ZDHHC21: variants seen among roughly 807,000 people sequenced by gnomAD.
ZDHHC21 encodes the protein palmitoyltransferase ZDHHC21.
ZDHHC21 carries 15 observed loss-of-function variants against 34.6 expected under a neutral mutation model. The observed-to-expected ratio is 0.43, with a 90% CI of 0.29 to 0.67. The LOEUF is 0.67. Among genes scored for constraint, ZDHHC21 ranks in the 30% least tolerant of loss-of-function variants. The pLI, the probability that ZDHHC21 is intolerant of heterozygous loss-of-function variation, is 0.14. For missense variants in ZDHHC21, 344 were observed against 327.7 expected (o/e 1.05, Z -0.38); for synonymous variants, 142 against 101.8 (o/e 1.40, Z -2.38).
the ZDHHC21 span, among the ~76,000 whole-genome samples, chr9:14,604,910 T>C: frequency 6.6e-6 from 1 of 152,156 alleles, no homozygotes; most frequent in Non-Finnish European, 1.5e-5. Context: ...CATTCTACTG[T>C]TTCTATAAGT....
At chr9:14,678,416 A>G (rs558771781) in intron 3 of ZDHHC21, among the ~76,000 whole-genome samples, 1 of 152,230 alleles carries the variant, frequency 6.6e-6, no homozygotes, top group South Asian at 2.1e-4. Context: ...TATATAAAGA[A>G]GCAATTCACA....
At chr9:14,600,029 A>G in the ZDHHC21 span, among the ~76,000 whole-genome samples, 1 of 152,216 alleles carries the variant, frequency 6.6e-6, no homozygotes, top group African/African-American at 2.4e-5. Flanking sequence ...GCTATTTATG[A>G]CAAAACCACA....
At chr9:14,599,765 G>C in the ZDHHC21 span, among the ~76,000 whole-genome samples, 39 of 151,964 alleles carry the variant, frequency 2.6e-4, no homozygotes, top group African/African-American at 8.7e-4. Context: ...AAGCTTAGTG[G>C]GGGGAGGGGC....
the ZDHHC21 span, among the ~76,000 whole-genome samples, chr9:14,590,332 G>C: frequency 6.6e-6 from 1 of 151,996 alleles, no homozygotes; most frequent in African/African-American, 2.4e-5. Flanking sequence ...CTTGTGTTTA[G>C]GAGTAAGGAA....
chr9:14,604,688 C>A, the ZDHHC21 span, among the ~76,000 whole-genome samples: 4 of 152,154 alleles, frequency 2.6e-5, no homozygotes, highest in African/African-American at 9.7e-5. Context: ...TCATACTTCA[C>A]ATTACTTTTT....
chr9:14,643,076 AAAAAAT>A (rs1829660896), intron 7 of ZDHHC21, among the ~76,000 whole-genome samples: 2 of 152,014 alleles, frequency 1.3e-5, no homozygotes, highest in African/African-American at 4.8e-5. Context: ...CGTCTCTACT[AAAAAAT>A]AAAAATAAAA....
rs546812051 is a variant in ZDHHC21 at position 14,649,156 on chromosome 9, G to T, written c.505-9144C>A. 2.6e-5 allele frequency among the ~76,000 whole-genome samples: 4 copies of T among 152,100 alleles called. No homozygotes were observed. The South Asian group carries it at 8.3e-4, about 32-fold the overall frequency. Reference sequence around the variant, plus strand: ...ACATTACCAAATGTTTTCTGTGGGGGAAAGTCAACCTCCTCCCAACTGAGA... The same window carrying T: ...ACATTACCAAATGTTTTCTGTGGGGTAAAGTCAACCTCCTCCCAACTGAGA... On this transcript the variant is annotated intron_variant, in intron 7 of 9. Coordinates refer to ENST00000380916, the MANE Select transcript of ZDHHC21 (RefSeq NM_178566.6).
intron 2 of ZDHHC21, among the ~76,000 whole-genome samples, chr9:14,685,265 C>A (rs200045657): frequency 0.16 from 23,864 of 150,610 alleles, 1,823 homozygotes; most frequent in East Asian, 0.33. Flanking sequence ...AGTGAACAGG[C>A]AACCTACAGA....
chr9:14,622,225 A>T (rs1217029361), intron 8 of ZDHHC21, among the ~76,000 whole-genome samples: 2 of 152,138 alleles, frequency 1.3e-5, no homozygotes, highest in African/African-American at 4.8e-5. Flanking sequence ...TAAAAACTGG[A>T]TGTTCTTAAA....
At chr9:14,642,698 A>C (rs904005603) in intron 7 of ZDHHC21, among the ~76,000 whole-genome samples, 117 of 152,332 alleles carry the variant, frequency 7.7e-4, no homozygotes, top group African/African-American at 2.6e-3. Flanking sequence ...CTGCAAGCCA[A>C]AGACAGAGGC....
Position 14,618,859 on chromosome 9 carries a change from T to G in ZDHHC21, c.*107A>C, listed in dbSNP as rs545745546. The G allele has an allele frequency of 1.5e-5, 20 of 1,294,056 alleles. No individual in the cohort carries two copies. In the South Asian group the frequency reaches 4.1e-4, roughly 26 times the overall value. 80.2% of individuals were successfully genotyped at this position (1,294,056 alleles called of 1,614,324 possible). On this transcript the variant is annotated 3_prime_UTR_variant, in exon 10 of 10. Transcript: ENST00000380916. Reference sequence around the variant, plus strand: ...TGGGGCACATTATGATGCCTAAGACTGGTGGGTGGATTTTAATTGACTTGA... The same window carrying G: ...TGGGGCACATTATGATGCCTAAGACGGGTGGGTGGATTTTAATTGACTTGA...
At chr9:14,619,308 G>A (rs867103796) in intron 9 of ZDHHC21, among the ~76,000 whole-genome samples, 17 of 152,058 alleles carry the variant, frequency 1.1e-4, no homozygotes, top group African/African-American at 3.6e-4. Context: ...TCAACCGAGC[G>A]CAACTTTTGA....
At chr9:14,676,508 A>C (rs1317453567) in intron 3 of ZDHHC21, among the ~76,000 whole-genome samples, 1 of 152,040 alleles carries the variant, frequency 6.6e-6, no homozygotes, top group Non-Finnish European at 1.5e-5. Flanking sequence ...GCAGAAAAAA[A>C]ACAAAAAACA....
chr9:14,609,721 G>C (rs1459725273), downstream of ZDHHC21, among the ~76,000 whole-genome samples: 1 of 152,022 alleles, frequency 6.6e-6, no homozygotes, highest in Non-Finnish European at 1.5e-5. Context: ...AAGTGAAAAA[G>C]AGACCAGTGG....
intron 7 of ZDHHC21, 30 bp downstream of exon 7, chr9:14,658,719 C>T (rs1832807975): frequency 1.2e-6 from 2 of 1,604,874 alleles, no homozygotes; most frequent in African/African-American, 2.7e-5. Context: ...GATCCGCCCG[C>T]CTCGGCCTCC....
intron 8 of ZDHHC21, among the ~76,000 whole-genome samples, chr9:14,632,470 T>C (rs915233447): frequency 1.3e-5 from 2 of 151,810 alleles, no homozygotes; most frequent in Non-Finnish European, 2.9e-5. Context: ...TAGTACTAAA[T>C]ATAAAAGCTA....
intron 3 of ZDHHC21, chr9:14,677,570 G>T (rs1468440322): frequency 2.0e-5 from 3 of 152,012 alleles, no homozygotes; most frequent in Non-Finnish European, 4.4e-5. Context: ...TGGAGATTCT[G>T]ACATACTAAT....
At chr9:14,674,154 A>C (rs1451042881) in intron 4 of ZDHHC21, 33 bp downstream of exon 4, 15 of 1,425,926 alleles carry the variant, frequency 1.1e-5, no homozygotes, top group Non-Finnish European at 1.4e-5. Context: ...GAGAAAAATA[A>C]TTATACAAGA....
In ZDHHC21 at chr9:14,612,258, T is replaced by C. The variant is rs1823428597; in HGVS notation, c.*6708A>G. ...TGACTGCAAAACCATATATTGTATCTACATTCAAGGAGAGGTTGATTTTAG... is the reference window on the plus strand; with the variant it reads ...TGACTGCAAAACCATATATTGTATCCACATTCAAGGAGAGGTTGATTTTAG... On this transcript the variant is annotated 3_prime_UTR_variant, in exon 10 of 10. Coordinates refer to ENST00000380916, the MANE Select transcript of ZDHHC21 (RefSeq NM_178566.6). The C allele has an allele frequency of 6.6e-6, 1 of 152,140 alleles. No individual in the cohort carries two copies. The highest frequency in any genetic ancestry group is 2.1e-4 in the South Asian group (1 of 4,822). 9.4% of individuals were successfully genotyped at this position (152,140 alleles called of 1,614,324 possible).
Sources: gnomAD v4.1 joint callset for allele counts (sites outside exome capture counted in the v4.1 genomes callset) on GRCh38, gnomAD v4.1.1 for gene constraint, MANE v1.5 for transcripts, NCBI Gene and HGNC (gene_info 2026-07-23, HGNC 2026-07-21) for gene names.